The following PHF2 variants were observed in gnomAD, a reference collection of about 807,000 sequenced individuals.
PHF2 encodes the protein PHD finger protein 2, also known as lysine-specific demethylase PHF2.
A neutral mutation model predicts 120.5 loss-of-function variants in PHF2; 27 were observed. The observed-to-expected ratio is 0.22, with a 90% CI of 0.17 to 0.31. The LOEUF (loss-of-function observed/expected upper bound fraction) is 0.31. Ranked by LOEUF, PHF2 falls within the 10% of genes least tolerant of loss-of-function variation. The pLI, the probability that PHF2 is intolerant of heterozygous loss-of-function variation, is 1.00. For missense variants in PHF2, 1,024 were observed against 1,434.8 expected (o/e 0.71, Z 4.63); for synonymous variants, 568 against 592.5 (o/e 0.96, Z 0.60).
At position 93,631,298 on chromosome 9, in the gene PHF2, G is replaced by A. The variant is rs796906909; in HGVS notation, c.184+1243G>A. Among the ~76,000 whole-genome samples, 43 of 152,292 alleles carry A rather than the reference G, an allele frequency of 2.8e-4. 1 individual carries two copies. The highest frequency in any genetic ancestry group is 9.9e-4 in the African/African-American group (41 of 41,554). On this transcript the variant is annotated intron_variant, in intron 2 of 21. Transcript: ENST00000359246. ...TGTCTATTGCTGGACAGCGGTGGGG[G>A]CTGCATGTGTTTCAGGTCTCGACCC...
intron 1 of PHF2, among the ~76,000 whole-genome samples, chr9:93,624,604 A>G (rs1282499817): frequency 4.0e-5 from 6 of 149,114 alleles, no homozygotes; most frequent in Non-Finnish European, 7.5e-5. Context: ...CGTTGTGATG[A>G]TGATAGTGGT....
rs541399103 is a variant in PHF2, at chr9:93,677,893, A to G, written c.*217A>G. 55 of 556,840 alleles carry G rather than the reference A, an allele frequency of 9.9e-5. No homozygotes were observed. The highest frequency in any genetic ancestry group is 8.5e-4 in the African/African-American group (45 of 52,964). 34.5% of individuals were successfully genotyped at this position (556,840 alleles called of 1,614,324 possible). A position where few individuals can be genotyped will look rare whatever the true frequency, so the allele number is the denominator to read the frequency against. On this transcript the variant is annotated 3_prime_UTR_variant, in exon 22 of 22. Transcript: ENST00000359246. The surrounding 1 kb of genome is among the most constrained non-coding windows in gnomAD (Gnocchi z 4.4). ...GGACGTCTTTTCTCAAGTTGCTAAG[A>G]GTGATCTGTCCCAGAAAAGCGGCCC...
At chr9:93,622,649 G>T (rs1489610337) in intron 1 of PHF2, among the ~76,000 whole-genome samples, 1 of 152,170 alleles carries the variant, frequency 6.6e-6, no homozygotes, top group Admixed American at 6.5e-5. Context: ...AGAGGGAGCT[G>T]CCCTTGCCCA....
At chr9:93,580,357 GCTCT>G (rs1862910339) in intron 1 of PHF2, among the ~76,000 whole-genome samples, 1 of 152,154 alleles carries the variant, frequency 6.6e-6, no homozygotes, top group African/African-American at 2.4e-5. Flanking sequence ...GGGATGTGTC[GCTCT>G]GCACCGGCAC....
intron 1 of PHF2, among the ~76,000 whole-genome samples, chr9:93,627,059 A>T (rs1825925240): frequency 6.6e-6 from 1 of 152,214 alleles, no homozygotes; most frequent in South Asian, 2.1e-4. Flanking sequence ...GGATTTTGAT[A>T]GGGATTGCAT....
Position 93,677,001 on chromosome 9 carries a change from C to T in PHF2, c.3202+38C>T, listed in dbSNP as rs1476935966. On this transcript the variant is annotated intron_variant, in intron 21 of 21. Coordinates refer to ENST00000359246, the MANE Select transcript of PHF2 (RefSeq NM_005392.4). This position sits in a 1 kb window ranked among gnomAD's most constrained non-coding sequence, Gnocchi z 4.4. ...CTGGAGGGAGCCTGCAGCCCCCCTG[C>T]CCTGCCTGCCCCCATGGGCAGCCCC... 3 of 1,477,736 alleles carry T rather than the reference C, an allele frequency of 2.0e-6. No homozygotes were observed. The South Asian group carries it at 4.2e-5, about 20-fold the overall frequency. 91.5% of individuals were successfully genotyped at this position (1,477,736 alleles called of 1,614,324 possible). A position where few individuals can be genotyped will look rare whatever the true frequency, so the allele number is the denominator to read the frequency against.
At chr9:93,601,023 A>G (rs1825429399) in intron 1 of PHF2, among the ~76,000 whole-genome samples, 1 of 152,224 alleles carries the variant, frequency 6.6e-6, no homozygotes. Context: ...CAATAACTGA[A>G]TAGCCTTCCG....
At position 93,677,725 on chromosome 9, in the gene PHF2, C is replaced by T. The variant is rs755269078; in HGVS notation, c.*49C>T. 1 of 1,423,300 alleles carries T rather than the reference C, an allele frequency of 7.0e-7. No homozygotes were observed. Among genetic ancestry groups the T allele is most frequent in the Non-Finnish European group, 9.9e-7 (1 of 1,013,674 alleles). 88.2% of individuals were successfully genotyped at this position (1,423,300 alleles called of 1,614,324 possible). On this transcript the variant is annotated 3_prime_UTR_variant, in exon 22 of 22. Transcript: ENST00000359246. This position sits in a 1 kb window ranked among gnomAD's most constrained non-coding sequence, Gnocchi z 4.4. ...TGCTCCGCTCAGGACCCCCGGAGCCCCGCGAAAACATCTGCCTCCCAGGAG... is the reference window on the plus strand; with the variant it reads ...TGCTCCGCTCAGGACCCCCGGAGCCTCGCGAAAACATCTGCCTCCCAGGAG...
At chr9:93,660,170 C>A in intron 11 of PHF2, 22 bp from the exon 12 acceptor site, 1 of 1,522,562 alleles carries the variant, frequency 6.6e-7, no homozygotes. Flanking sequence ...CAGCATGTGA[C>A]CCTCTCCTTT....
At chr9:93,593,943 A>G (rs1362782172) in intron 1 of PHF2, among the ~76,000 whole-genome samples, 1 of 152,226 alleles carries the variant, frequency 6.6e-6, no homozygotes, top group Non-Finnish European at 1.5e-5. Flanking sequence ...AGAGCTTAAT[A>G]CTTTTATAAT....
chr9:93,615,024 GGTGATGATGGTGATA>G (rs1398925658), intron 1 of PHF2, among the ~76,000 whole-genome samples: 1 of 151,766 alleles, frequency 6.6e-6, no homozygotes, highest in East Asian at 1.9e-4. Flanking sequence ...TGATGGTGAT[GGTGATGATGGTGATA>G]GTGATGATGA....
At chr9:93,660,685 G>C in intron 12 of PHF2, 125 bp downstream of exon 12, 2 of 896,296 alleles carry the variant, frequency 2.2e-6, no homozygotes, top group South Asian at 4.0e-5. Context: ...CTGAGAAGAT[G>C]TGGGGGTCTG....
chr9:93,586,144 G>T (rs1863040229), intron 1 of PHF2, among the ~76,000 whole-genome samples: 1 of 152,236 alleles, frequency 6.6e-6, no homozygotes, highest in Non-Finnish European at 1.5e-5. Flanking sequence ...CTTTGGGAGG[G>T]CTCACTGAAC....
chr9:93,663,054 G>A lies in PHF2; in HGVS notation c.1818+28G>A, dbSNP rs201160020. ...GAGAAGTGCACATATGCATGCACAC[G>A]TGTGTGTGTCAGCTTGGTGAGTGTG... On this transcript the variant is annotated intron_variant, in intron 13 of 21. Transcript: ENST00000359246. 952 of 1,612,074 alleles carry A rather than the reference G, an allele frequency of 5.9e-4. No individual in the cohort carries two copies. Among genetic ancestry groups the A allele is most frequent in the Middle Eastern group, 6.6e-4 (4 of 6,050 alleles).
rs201060871 is a variant in PHF2, at chr9:93,676,953, C to G, written c.3192C>G (p.Thr1064=). 1 of 1,554,160 alleles carries G rather than the reference C, an allele frequency of 6.4e-7. No individual in the cohort carries two copies. ...CCGCATCGTCTCCAAACAACAACAC[C>G]GCTGCCAAAGGTACTGTGCCTGCTG... ...RPSASSPNNN[T]AAKGKRTKKG... is the part of the protein sequence containing the mutation. Residue 1064 remains threonine, a synonymous_variant, in exon 21 of 22, where the codon ACC becomes ACG. Transcript: ENST00000359246.
intron 13 of PHF2, 74 bp downstream of exon 13, chr9:93,663,100 G>A: frequency 6.3e-7 from 1 of 1,584,796 alleles, no homozygotes; most frequent in Non-Finnish European, 8.6e-7. Context: ...AATCTGTGAG[G>A]CCCTGTGTGT....
chr9:93,628,247 G>C (rs1334935906), intron 1 of PHF2, among the ~76,000 whole-genome samples: 1 of 152,096 alleles, frequency 6.6e-6, no homozygotes, highest in African/African-American at 2.4e-5. Flanking sequence ...TTGGGCTCAG[G>C]GTAATGCTTA....
At chr9:93,637,300 C>A (rs1826109374) in intron 3 of PHF2, among the ~76,000 whole-genome samples, 1 of 151,912 alleles carries the variant, frequency 6.6e-6, no homozygotes. Context: ...TTTTTCTTTT[C>A]TGACCTTTAT....
At chr9:93,611,248 T>A (rs146417497) in intron 1 of PHF2, among the ~76,000 whole-genome samples, 29 of 152,120 alleles carry the variant, frequency 1.9e-4, no homozygotes, top group African/African-American at 6.8e-4. Context: ...AAACCCCATA[T>A]CTACTAAAAA....
Sources: allele counts gnomAD v4.1 joint callset (sites outside exome capture counted in the v4.1 genomes callset), GRCh38; gene constraint gnomAD v4.1.1; non-coding constraint Gnocchi (gnomAD v3.1); transcripts MANE v1.5; gene names NCBI Gene and HGNC (gene_info 2026-07-23, HGNC 2026-07-21).